Variants in R3HDM1 observed in about 807,000 individuals in gnomAD.
R3HDM1 encodes the protein R3H domain-containing protein 1.
Under a neutral mutation model 141.1 loss-of-function variants are expected in R3HDM1, and 46 were observed. The ratio of observed to expected loss-of-function variants is 0.33; its 90% confidence interval spans 0.26 to 0.42. The LOEUF (loss-of-function observed/expected upper bound fraction) is 0.42. Ranked by LOEUF, R3HDM1 falls within the 10% of genes least tolerant of loss-of-function variation. R3HDM1 has a pLI of 1.00. For missense variants in R3HDM1, 1,184 were observed against 1,368.3 expected, an observed-to-expected ratio of 0.87 and a Z score of 2.12; for synonymous variants, 435 against 472.9, an observed-to-expected ratio of 0.92 and a Z score of 1.04.
At chr2:135,605,211 T>A (rs2059941898) in intron 3 of R3HDM1, 195 bp downstream of exon 3, 1 of 394,594 alleles carries the variant, frequency 2.5e-6, no homozygotes, top group Non-Finnish European at 4.5e-6. Flanking sequence ...GTAATATACT[T>A]CTTTTTATTT....
At chr2:135,541,600 A>T (rs963363229) in intron 1 of R3HDM1, among the ~76,000 whole-genome samples, 2 of 152,166 alleles carry the variant, frequency 1.3e-5, no homozygotes, top group African/African-American at 4.8e-5. Context: ...TGGTGGTGCA[A>T]TCAGAACACC....
rs959484638 is a variant in R3HDM1 at position 135,710,072 on chromosome 2, G to A, written c.2577G>A (p.Pro859=). The A allele has an allele frequency of 3.7e-6, 6 of 1,612,918 alleles. No individual in the cohort carries two copies. The highest frequency in any genetic ancestry group is 1.3e-5 in the African/African-American group (1 of 74,890). Residue 859 remains proline, a synonymous_variant, in exon 23 of 27, where the codon CCG becomes CCA. Coordinates refer to ENST00000683871, the MANE Select transcript of R3HDM1 (RefSeq NM_001378107.1). ...TCTGATTTTCAGCTGGACCACCACC[G>A]CCACCTGGTGGGGGGATGGTGATGA... ...QGHQCTAGPP[P]PPGGGMVMMQ...
chr2:135,587,881 TC>T (rs957518440), intron 1 of R3HDM1, among the ~76,000 whole-genome samples: 4 of 151,924 alleles, frequency 2.6e-5, no homozygotes, highest in African/African-American at 4.8e-5. Context: ...ATCTCATCTC[TC>T]CCTCCATCTT....
chr2:135,546,856 G>C (rs1698799249), intron 1 of R3HDM1, among the ~76,000 whole-genome samples: 1 of 152,126 alleles, frequency 6.6e-6, no homozygotes, highest in Non-Finnish European at 1.5e-5. Flanking sequence ...ATTTTTAGTA[G>C]AGATGGAGTT....
intron 18 of R3HDM1, among the ~76,000 whole-genome samples, chr2:135,654,746 G>A (rs1381364032): frequency 6.6e-6 from 1 of 152,098 alleles, no homozygotes; most frequent in Non-Finnish European, 1.5e-5. Flanking sequence ...ACCGCACCTG[G>A]CCAAAATTTG....
chr2:135,613,536 G>A (rs898184220), intron 3 of R3HDM1, among the ~76,000 whole-genome samples: 1 of 152,278 alleles, frequency 6.6e-6, no homozygotes, highest in Non-Finnish European at 1.5e-5. Context: ...CATAAATCCA[G>A]CAGGGTATGG....
chr2:135,600,727 A>T (rs1415845721), intron 1 of R3HDM1, among the ~76,000 whole-genome samples: 1 of 152,160 alleles, frequency 6.6e-6, no homozygotes, highest in Non-Finnish European at 1.5e-5. Context: ...TTCATTATTT[A>T]GTCTGTTATC....
At chr2:135,654,425 CTTTTGT>C (rs909583393) in intron 18 of R3HDM1, among the ~76,000 whole-genome samples, 2 of 137,142 alleles carry the variant, frequency 1.5e-5, no homozygotes, top group African/African-American at 5.8e-5. Flanking sequence ...GGAATGTTTT[CTTTTGT>C]TGTTGTTGTT....
At chr2:135,620,373 A>G (rs570440809) in intron 5 of R3HDM1, 11 of 843,380 alleles carry the variant, frequency 1.3e-5, no homozygotes, top group African/African-American at 1.3e-4. Flanking sequence ...ATGAATCACA[A>G]TAAGAAAAAT....
At chr2:135,698,687 T>G (rs948939591) in intron 21 of R3HDM1, among the ~76,000 whole-genome samples, 1 of 152,104 alleles carries the variant, frequency 6.6e-6, no homozygotes, top group African/African-American at 2.4e-5. Flanking sequence ...GGAAGCATAG[T>G]GGCTTCTAGG....
intron 2 of R3HDM1, among the ~76,000 whole-genome samples, chr2:135,603,523 C>T (rs6706859): frequency 0.01 from 1,588 of 152,268 alleles, 25 homozygotes; most frequent in African/African-American, 0.036. Context: ...ATCTGTCTAT[C>T]CCTCTATATA....
intron 1 of R3HDM1, chr2:135,558,922 C>T: frequency 1.3e-6 from 1 of 786,896 alleles, no homozygotes; most frequent in Non-Finnish European, 1.5e-6. Flanking sequence ...GGGTTTTCTT[C>T]TCTGAAAGTC....
intron 23 of R3HDM1, among the ~76,000 whole-genome samples, chr2:135,710,510 G>A (rs143073360): frequency 6.2e-4 from 94 of 152,122 alleles, no homozygotes; most frequent in Non-Finnish European, 7.4e-4. Context: ...AAAATCAGCC[G>A]GGTATGGTGG....
chr2:135,723,649 C>T (rs182227905), intron 26 of R3HDM1, among the ~76,000 whole-genome samples: 3,534 of 150,932 alleles, frequency 0.023, 60 homozygotes, highest in Middle Eastern at 0.051. Context: ...TGGTGGCGGG[C>T]GCTTGTAATC....
At chr2:135,634,718 G>A (rs2063087229) in intron 9 of R3HDM1, among the ~76,000 whole-genome samples, 1 of 152,124 alleles carries the variant, frequency 6.6e-6, no homozygotes, top group South Asian at 2.1e-4. Context: ...TCATTACTCA[G>A]ATTTATTTGG....
At chr2:135,621,329 A>G (rs1380987508) in intron 5 of R3HDM1, among the ~76,000 whole-genome samples, 165 bp from the exon 6 acceptor site, 1 of 152,068 alleles carries the variant, frequency 6.6e-6, no homozygotes, top group Non-Finnish European at 1.5e-5. Context: ...GTATTTGATA[A>G]AAGTAGTAAA....
intron 1 of R3HDM1, chr2:135,533,874 A>G: frequency 1.7e-6 from 1 of 582,466 alleles, no homozygotes; most frequent in Non-Finnish European, 2.2e-6. Context: ...ACTCCATCTT[A>G]AAAAGAAAGA....
intron 1 of R3HDM1, among the ~76,000 whole-genome samples, chr2:135,551,481 A>G (rs1699839135): frequency 1.3e-5 from 2 of 151,518 alleles, no homozygotes; most frequent in East Asian, 3.9e-4. Flanking sequence ...TTTTAAAACA[A>G]TAATGAAAAA....
At chr2:135,655,878 C>A (rs1236516605) in intron 18 of R3HDM1, among the ~76,000 whole-genome samples, 1 of 151,742 alleles carries the variant, frequency 6.6e-6, no homozygotes, top group African/African-American at 2.4e-5. Context: ...TCTGTTTCTG[C>A]AAAAAAAGAC....
Sources: gnomAD v4.1 joint callset for allele counts (sites outside exome capture counted in the v4.1 genomes callset) on GRCh38, gnomAD v4.1.1 for gene constraint, MANE v1.5 for transcripts, NCBI Gene and HGNC (gene_info 2026-07-23, HGNC 2026-07-21) for gene names.